Variants in AHR observed in about 807,000 individuals in gnomAD.
AHR encodes the protein aryl hydrocarbon receptor, also known as AH-receptor.
AHR carries 40 observed loss-of-function variants against 86.8 expected under a neutral mutation model. That is an observed-to-expected ratio of 0.46 (90% CI 0.36 to 0.60). AHR has a LOEUF of 0.60. Among genes scored for constraint, AHR ranks in the 20% least tolerant of loss-of-function variants. AHR has a pLI of 0.00. For missense variants in AHR, 1,001 were observed against 1,011.6 expected (o/e 0.99, Z 0.14); for synonymous variants, 398 against 354.9 (o/e 1.12, Z -1.37).
chr7:17,314,155 G>T (rs145213405), intron 2 of AHR, among the ~76,000 whole-genome samples: 1 of 151,978 alleles, frequency 6.6e-6, no homozygotes, highest in Middle Eastern at 3.2e-3. Context: ...CACCTAATGA[G>T]CCTGACAAAA....
chr7:17,328,654 C>A (rs1782253379), intron 4 of AHR, among the ~76,000 whole-genome samples: 1 of 151,856 alleles, frequency 6.6e-6, no homozygotes, highest in East Asian at 1.9e-4. Context: ...ATTTGCATTT[C>A]TATTAAGCTC....
Position 17,343,186 on chromosome 7 carries a change from C to A in AHR, c.*122C>A. 8.4e-7 allele frequency: 1 copy of A among 1,187,688 alleles called. No individual in the cohort carries two copies. The highest frequency in any genetic ancestry group is 1.2e-6 in the Non-Finnish European group (1 of 821,350). 73.6% of individuals were successfully genotyped at this position (1,187,688 alleles called of 1,614,324 possible). ...CATGGAGGCATTGATGCATGCTATT[C>A]ACAATTATTCCAAACCAAATTTTAA... On this transcript the variant is annotated 3_prime_UTR_variant, in exon 11 of 11. Coordinates refer to ENST00000242057, the MANE Select transcript of AHR (RefSeq NM_001621.5).
chr7:17,299,050 G>C lies in AHR; in HGVS notation c.-215G>C, dbSNP rs1781923544. ...GCCCACCCTCACTGCGCCAGGCCCA[G>C]GCAGCTCACCTGTACTGGCGCGGGC... is the stretch of plus-strand genomic sequence containing the variant. On this transcript the variant is annotated 5_prime_UTR_variant, in exon 1 of 11. Transcript: ENST00000242057. 2.0e-6 allele frequency: 1 copy of C among 504,406 alleles called. No homozygotes were observed. Among genetic ancestry groups the C allele is most frequent in the Non-Finnish European group, 3.4e-6 (1 of 296,224 alleles). 31.2% of individuals were successfully genotyped at this position (504,406 alleles called of 1,614,324 possible).
At chr7:17,333,279 T>C (rs965821062) in intron 6 of AHR, among the ~76,000 whole-genome samples, 1 of 151,936 alleles carries the variant, frequency 6.6e-6, no homozygotes, top group African/African-American at 2.4e-5. Flanking sequence ...TGTGCTGCTA[T>C]TATTTTGATG....
intron 5 of AHR, among the ~76,000 whole-genome samples, chr7:17,330,526 A>G (rs977863754): frequency 1.3e-5 from 2 of 151,950 alleles, no homozygotes; most frequent in Non-Finnish European, 2.9e-5. Flanking sequence ...AAATATGAAA[A>G]TTGTTGACAG....
rs528576378 is a variant in AHR, at chr7:17,345,314, A to G, written c.*2250A>G. 6.7e-6 allele frequency: 1 copy of G among 148,300 alleles called. No homozygotes were observed. Among genetic ancestry groups the G allele is most frequent in the South Asian group, 2.1e-4 (1 of 4,732 alleles). 9.2% of individuals were successfully genotyped at this position (148,300 alleles called of 1,614,324 possible). On this transcript the variant is annotated 3_prime_UTR_variant, in exon 11 of 11. Transcript: ENST00000242057. ...GCAATAGACCGAGACTCCGTCTCCAAAAAAAAAAAAAATACAATTTTTATT... is the reference window on the plus strand; with the variant it reads ...GCAATAGACCGAGACTCCGTCTCCAGAAAAAAAAAAAATACAATTTTTATT...
At chr7:17,315,826 C>G (rs1217553574) in intron 2 of AHR, among the ~76,000 whole-genome samples, 1 of 151,850 alleles carries the variant, frequency 6.6e-6, no homozygotes, top group Non-Finnish European at 1.5e-5. Flanking sequence ...TTAAATCTTG[C>G]TCTTACAGCC....
At chr7:17,331,507 A>G (rs1782288504) in intron 6 of AHR, among the ~76,000 whole-genome samples, 1 of 151,958 alleles carries the variant, frequency 6.6e-6, no homozygotes, top group African/African-American at 2.4e-5. Flanking sequence ...TGACTATTTT[A>G]GGATTTTTAA....
Position 17,342,907 on chromosome 7 carries a change from A to T in AHR, c.2404-14A>T. 1 of 1,610,326 alleles carries T rather than the reference A, an allele frequency of 6.2e-7. No homozygotes were observed. The stretch of plus-strand genomic sequence containing the variant: ...ATCTATTCCAATAAGTTGCATCACC[A>T]TTTTTGTTTTCAGTTTCAGAATGGA... On this transcript the variant is annotated splice_polypyrimidine_tract_variant and intron_variant, in intron 10 of 10. Transcript: ENST00000242057.
At chr7:17,308,169 A>G (rs1782024870) in intron 1 of AHR, among the ~76,000 whole-genome samples, 2 of 152,128 alleles carry the variant, frequency 1.3e-5, no homozygotes, top group Non-Finnish European at 2.9e-5. Flanking sequence ...GGCACTTGAT[A>G]GGTGTTCAGC....
intron 9 of AHR, among the ~76,000 whole-genome samples, chr7:17,337,003 C>T (rs1782360929): frequency 6.6e-6 from 1 of 151,916 alleles, no homozygotes; most frequent in Non-Finnish European, 1.5e-5. Context: ...ATATCAGTTT[C>T]CCTTTAAGTA....
chr7:17,324,573 C>T (rs1036718731), intron 3 of AHR, among the ~76,000 whole-genome samples: 8 of 152,232 alleles, frequency 5.3e-5, no homozygotes, highest in African/African-American at 1.4e-4. Context: ...GAGGCCAAGG[C>T]GGGCAGATCA....
chr7:17,330,621 AG>A lies in AHR; in HGVS notation c.575-134del, dbSNP rs1478500463. 5.8e-6 allele frequency: 4 copies of A among 688,216 alleles called. No homozygotes were observed. In the East Asian group the frequency reaches 1.2e-4, roughly 21 times the overall value. 42.6% of individuals were successfully genotyped at this position (688,216 alleles called of 1,614,324 possible). On this transcript the variant is annotated intron_variant, in intron 5 of 10. Coordinates refer to ENST00000242057, the MANE Select transcript of AHR (RefSeq NM_001621.5). ...AATAAACTTTTAGTTTCTTGTCATT[AG>A]CTCTTTTGAAAATGATTTTTTTGTA...
chr7:17,330,832 G>C lies in AHR; in HGVS notation c.651G>C (p.Glu217Asp), dbSNP rs1233716725. 2.5e-6 allele frequency: 4 copies of C among 1,612,392 alleles called. No homozygotes were observed. The highest frequency in any genetic ancestry group is 1.7e-6 in the Non-Finnish European group (2 of 1,178,910). ...QIPPENSPLM[E>D]RCFICRLRCL... The stretch of plus-strand genomic sequence containing the variant: ...CTCCAGAAAACTCTCCTTTAATGGA[G>C]AGGTGCTTCATATGTCGTCTAAGGT... The change falls in exon 6 of 11, where the codon GAG (glutamate) becomes GAC (aspartate). Residue 217 changes from glutamate to aspartate, a missense_variant. Coordinates refer to ENST00000242057, the MANE Select transcript of AHR (RefSeq NM_001621.5).
chr7:17,298,921 A>G lies in AHR; in HGVS notation c.-344A>G, dbSNP rs1781920661. The G allele has an allele frequency of 7.0e-6, 3 of 428,888 alleles. No homozygotes were observed. In the Admixed American group the frequency reaches 1.3e-4, roughly 19 times the overall value. The allele number at this position is 428,888 out of a possible 1,614,324, so 26.6% of individuals were successfully genotyped here. Reference sequence around the variant, plus strand: ...GGCCAGGATTCTAAATAGACGGCCCAGGCTCCTCCTCCGCCCGGGCCGCCT... The same window carrying G: ...GGCCAGGATTCTAAATAGACGGCCCGGGCTCCTCCTCCGCCCGGGCCGCCT... On this transcript the variant is annotated 5_prime_UTR_variant, in exon 1 of 11. Coordinates refer to ENST00000242057, the MANE Select transcript of AHR (RefSeq NM_001621.5).
Position 17,339,879 on chromosome 7 carries a change from T to C in AHR, c.2054T>C (p.Phe685Ser). 1 of 1,614,172 alleles carries C rather than the reference T, an allele frequency of 6.2e-7. No homozygotes were observed. Among genetic ancestry groups the C allele is most frequent in the Non-Finnish European group, 8.5e-7 (1 of 1,180,018 alleles). Reference protein sequence around the residue: ...FTDLHGISQEFPYKSEMDSMP... With the variant: ...FTDLHGISQESPYKSEMDSMP... ...GACTTACATGGGATCAGTCAAGAGT[T>C]CCCCTACAAATCTGAAATGGATTCT... The change falls in exon 10 of 11, where the codon TTC (phenylalanine) becomes TCC (serine). Residue 685 changes from phenylalanine (F) to serine (S), a missense_variant. Phe to Ser is a radical substitution (Grantham distance 155, BLOSUM62 -2). Transcript: ENST00000242057.
rs550582766 is a variant in AHR, at chr7:17,303,614, G to C, written c.65+4285G>C. On this transcript the variant is annotated intron_variant, in intron 1 of 10. Transcript: ENST00000242057. ...GTTTTTAAAGGCTGCATAATACTCT[G>C]TTGTACTAATATTCTATAATTTTTT... Among the ~76,000 whole-genome samples, 52 of 152,004 alleles carry C rather than the reference G, an allele frequency of 3.4e-4. 1 individual carries two copies. Among genetic ancestry groups the C allele is most frequent in the African/African-American group, 1.1e-3 (45 of 41,454 alleles).
chr7:17,334,769 TA>T, intron 7 of AHR, 117 bp from the exon 8 acceptor site: 1 of 654,384 alleles, frequency 1.5e-6, no homozygotes, highest in Non-Finnish European at 2.5e-6. Context: ...TGTGAAATTC[TA>T]AATGTGAACT....
chr7:17,309,192 T>C lies in AHR; in HGVS notation c.66-744T>C, dbSNP rs547140900. ...CAGGTGAAAATCATGCTAAATTGTT[T>C]AGGGTTCCGTTGAACTTTCTAATTG... On this transcript the variant is annotated intron_variant, in intron 1 of 10. Transcript: ENST00000242057. 4.1e-3 allele frequency among the ~76,000 whole-genome samples: 619 copies of C among 152,302 alleles called. 5 individuals carry two copies. Among genetic ancestry groups the C allele is most frequent in the Middle Eastern group, 0.014 (4 of 294 alleles).
Sources: allele counts gnomAD v4.1 joint callset (sites outside exome capture counted in the v4.1 genomes callset), GRCh38; gene constraint gnomAD v4.1.1; transcripts MANE v1.5; gene names NCBI Gene and HGNC (gene_info 2026-07-23, HGNC 2026-07-21).